Variants in CAPZB observed in about 807,000 individuals in gnomAD.
CAPZB encodes capping actin protein of muscle Z-line subunit beta, also known as F-actin-capping protein subunit beta.
Under a neutral mutation model 38.1 loss-of-function variants are expected in CAPZB, and 2 were observed. That is an observed-to-expected ratio of 0.05 (90% confidence interval 0.02 to 0.17). The LOEUF is 0.17. CAPZB is among the 10% of genes least tolerant of loss of function. CAPZB has a pLI of 1.00. For missense variants in CAPZB, 161 were observed against 334.2 expected (o/e 0.48, Z 4.04); for synonymous variants, 107 against 127.4 (o/e 0.84, Z 1.08).
chr1:19,419,095 A>G (rs915011795), intron 2 of CAPZB, among the ~76,000 whole-genome samples: 4 of 152,248 alleles, frequency 2.6e-5, no homozygotes, highest in Non-Finnish European at 5.9e-5. Flanking sequence ...GTGCTAGTGA[A>G]TTTGAGGCAA....
chr1:19,379,103 T>TC (rs796966809), intron 3 of CAPZB, among the ~76,000 whole-genome samples: 3,242 of 148,596 alleles, frequency 0.022, 122 homozygotes, highest in African/African-American at 0.075. Context: ...TTTCTTTCTT[T>TC]TTTTTTTTTT....
At chr1:19,350,807 G>A (rs2093987444) in intron 6 of CAPZB, among the ~76,000 whole-genome samples, 1 of 151,984 alleles carries the variant, frequency 6.6e-6, no homozygotes, top group Admixed American at 6.6e-5. Flanking sequence ...GTAGAGAGAT[G>A]GGGTCTTACT....
chr1:19,447,272 C>T (rs57177470), intron 1 of CAPZB, among the ~76,000 whole-genome samples: 380 of 74,484 alleles, frequency 5.1e-3, no homozygotes, highest in Middle Eastern at 0.011. Context: ...CAGACCTAAT[C>T]TTTTTTTTTT....
chr1:19,438,267 ATGT>A (rs750560011), intron 1 of CAPZB, among the ~76,000 whole-genome samples: 7 of 152,180 alleles, frequency 4.6e-5, no homozygotes, highest in Non-Finnish European at 1.0e-4. Flanking sequence ...AGGGAGGCAG[ATGT>A]TGTGTGTTAT....
intron 1 of CAPZB, among the ~76,000 whole-genome samples, chr1:19,470,732 C>T (rs2094584236): frequency 6.6e-6 from 1 of 152,242 alleles, no homozygotes; most frequent in African/African-American, 2.4e-5. Context: ...CAGCTGGGTT[C>T]AAGACCTGAC....
chr1:19,339,779 G>C (rs558216674), intron 8 of CAPZB, among the ~76,000 whole-genome samples, 162 bp from the exon 9 acceptor site: 2 of 151,966 alleles, frequency 1.3e-5, no homozygotes, highest in South Asian at 4.2e-4. Context: ...CTCTCAGAAA[G>C]GGGCAAAGGG....
chr1:19,352,575 C>A (rs554473799), intron 6 of CAPZB, among the ~76,000 whole-genome samples: 2 of 152,342 alleles, frequency 1.3e-5, no homozygotes, highest in Non-Finnish European at 2.9e-5. Context: ...TGCTCTACAA[C>A]CCTCCCATGG....
At chr1:19,396,151 C>T (rs1281438289) in intron 2 of CAPZB, among the ~76,000 whole-genome samples, 1 of 152,240 alleles carries the variant, frequency 6.6e-6, no homozygotes, top group Non-Finnish European at 1.5e-5. Flanking sequence ...TCTTGAGCCT[C>T]ACAGGTTTGT....
At chr1:19,445,869 A>G (rs72653943) in intron 1 of CAPZB, among the ~76,000 whole-genome samples, 26,810 of 152,228 alleles carry the variant, frequency 0.18, 2,677 homozygotes, top group South Asian at 0.29. Flanking sequence ...ATCAGATCTC[A>G]ATAAAGCAGC....
chr1:19,355,649 G>A (rs557816208), intron 6 of CAPZB, among the ~76,000 whole-genome samples: 3 of 152,334 alleles, frequency 2.0e-5, no homozygotes, highest in South Asian at 4.1e-4. Flanking sequence ...AACTGAGAAC[G>A]GAAGGGCATC....
At position 19,356,234 on chromosome 1, in the gene CAPZB, G is replaced by GT. The variant is rs2094020169; in HGVS notation, c.588+400dup. 6.6e-6 allele frequency among the ~76,000 whole-genome samples: 1 copy of GT among 152,322 alleles called. No homozygotes were observed. Among genetic ancestry groups the GT allele is most frequent in the African/African-American group, 2.4e-5 (1 of 41,576 alleles). ...CTTGGACTACTCTGAGGGCAGCAAG[G>GT]TGCAGACACTCTGAGCTCAGGTAAG... On this transcript the variant is annotated intron_variant, in intron 6 of 8. Coordinates refer to ENST00000264202, the MANE Select transcript of CAPZB (RefSeq NM_004930.5). The surrounding 1 kb of genome is among the most constrained non-coding windows in gnomAD (Gnocchi z 4.3).
intron 1 of CAPZB, among the ~76,000 whole-genome samples, chr1:19,462,214 A>G (rs993959594): frequency 6.6e-6 from 1 of 151,886 alleles, no homozygotes; most frequent in Non-Finnish European, 1.5e-5. Flanking sequence ...GCACTTTGGG[A>G]GGCCGAGGCA....
intron 1 of CAPZB, among the ~76,000 whole-genome samples, chr1:19,476,966 A>G (rs12123568): frequency 0.87 from 131,795 of 152,222 alleles, 59,311 homozygotes; most frequent in East Asian, 1. Context: ...CTGGACCTCC[A>G]TGGCAACTGC....
chr1:19,424,209 TAAG>T (rs2094413388), intron 1 of CAPZB, among the ~76,000 whole-genome samples: 1 of 152,108 alleles, frequency 6.6e-6, no homozygotes, highest in South Asian at 2.1e-4. Context: ...ATACAACATT[TAAG>T]AAGAGTAGAA....
intron 2 of CAPZB, among the ~76,000 whole-genome samples, chr1:19,388,520 T>TA (rs2094215508): frequency 6.6e-6 from 1 of 152,232 alleles, no homozygotes; most frequent in African/African-American, 2.4e-5. Flanking sequence ...TGTCCAGAAC[T>TA]AAATCTGAAT....
At chr1:19,455,261 G>C (rs2094529424) in intron 1 of CAPZB, among the ~76,000 whole-genome samples, 3 of 152,246 alleles carry the variant, frequency 2.0e-5, no homozygotes. Flanking sequence ...GAATAAGGTG[G>C]AGTATGGTTA....
chr1:19,362,592 A>G (rs2094059266), intron 4 of CAPZB, among the ~76,000 whole-genome samples: 1 of 151,928 alleles, frequency 6.6e-6, no homozygotes, highest in Admixed American at 6.6e-5. Context: ...GCACTTTGGG[A>G]GGCTGAGGTG....
chr1:19,369,350 C>G (rs115924599), intron 4 of CAPZB, among the ~76,000 whole-genome samples: 1,980 of 152,360 alleles, frequency 0.013, 15 homozygotes, highest in Non-Finnish European at 0.022. Context: ...AGGAAGCAGG[C>G]TCAGCTGTAC....
intron 4 of CAPZB, among the ~76,000 whole-genome samples, chr1:19,369,406 T>C (rs1293939412): frequency 6.6e-6 from 1 of 152,258 alleles, no homozygotes; most frequent in Non-Finnish European, 1.5e-5. Context: ...CTCTGCTCTG[T>C]GAAAACAACA....
Sources: gnomAD v4.1 joint callset for allele counts (sites outside exome capture counted in the v4.1 genomes callset) on GRCh38, gnomAD v4.1.1 for gene constraint, Gnocchi (gnomAD v3.1) non-coding constraint, MANE v1.5 for transcripts, NCBI Gene and HGNC (gene_info 2026-07-23, HGNC 2026-07-21) for gene names.